Variants in SV2A observed in about 807,000 individuals in gnomAD.
The protein encoded by SV2A is synaptic vesicle glycoprotein 2A.
In SV2A, 25 loss-of-function variants were observed where a neutral mutation model predicts 78.0. The observed-to-expected ratio is 0.32, with a 90% CI of 0.23 to 0.45. The LOEUF is 0.45. Ranked by LOEUF, SV2A falls within the 20% of genes least tolerant of loss-of-function variation. SV2A has a pLI of 1.00. For missense variants in SV2A, 752 were observed against 971.5 expected (o/e 0.77, Z 3.00); for synonymous variants, 355 against 384.7 (o/e 0.92, Z 0.90).
rs2092471574 is a variant in SV2A at position 149,910,953 on chromosome 1, G to C, written c.828C>G (p.Val276=). 2 of 1,614,114 alleles carry C rather than the reference G, an allele frequency of 1.2e-6. No individual in the cohort carries two copies. Among genetic ancestry groups the C allele is most frequent in the Non-Finnish European group, 1.7e-6 (2 of 1,180,032 alleles). ...GVGIGGSIPI[V]FSYFSEFLAQ... The stretch of plus-strand genomic sequence containing the variant: ...CCAGAAACTCGGAGAAATAGGAGAA[G>C]ACAATGGGGATGGACCCTCCAATCC... Residue 276 remains valine (V), a synonymous_variant, in exon 4 of 13, where the codon GTC becomes GTG. Transcript: ENST00000369146. The surrounding 1 kb of genome is among the most constrained non-coding windows in gnomAD (Gnocchi z 4.2).
At chr1:149,909,340 C>A (rs2092460376) in intron 7 of SV2A, 60 bp from the exon 8 acceptor site, 1 of 1,590,504 alleles carries the variant, frequency 6.3e-7, no homozygotes, top group Non-Finnish European at 8.6e-7. Flanking sequence ...CCCATAGATC[C>A]CCACTTTTCT....
rs2092520499 is a variant in SV2A, at chr1:149,917,213, A to C, written c.-348+526T>G. Among the ~76,000 whole-genome samples, 4 of 147,478 alleles carry C rather than the reference A, an allele frequency of 2.7e-5. 1 individual carries two copies. The South Asian group carries it at 8.6e-4, about 32-fold the overall frequency. On this transcript the variant is annotated intron_variant, in intron 1 of 12. Coordinates refer to ENST00000369146, the MANE Select transcript of SV2A (RefSeq NM_014849.5). ...TGCCCCCAACACCTGGCGGCTCTAC[A>C]TCTCTGTCTCCCCAGTATTTCCATT...
Position 149,909,125 on chromosome 1 carries a change from C to T in SV2A, c.1379+67G>A, listed in dbSNP as rs1258850462. 4.1e-5 allele frequency: 61 copies of T among 1,503,202 alleles called. 1 individual carries two copies. In the South Asian group the frequency reaches 6.6e-4, roughly 16 times the overall value. 93.1% of individuals were successfully genotyped at this position (1,503,202 alleles called of 1,614,324 possible). On this transcript the variant is annotated intron_variant, in intron 8 of 12. Coordinates refer to ENST00000369146, the MANE Select transcript of SV2A (RefSeq NM_014849.5). ...CTTGTCCCCTGCATCTCCATTCTCC[C>T]CACCTCTCTCCCAGCCCACACACCA...
rs1371853453 is a variant in SV2A, at chr1:149,911,821, C to A, written c.782G>T (p.Cys261Phe). The A allele has an allele frequency of 1.9e-6, 3 of 1,613,968 alleles. No individual in the cohort carries two copies. Among genetic ancestry groups the A allele is most frequent in the Non-Finnish European group, 2.5e-6 (3 of 1,180,000 alleles). The change falls in exon 3 of 13, where the codon TGC becomes TTC. Residue 261 changes from cysteine to phenylalanine, a missense_variant. Physicochemically the swap from Cys to Phe is radical, Grantham distance 205. Around this residue, in one of 7 missense-constraint regions of SV2A, gnomAD observed 291 missense variants for 359.5 expected, o/e 0.81. Transcript: ENST00000369146. ...TCACCCAACCCCAGAAAGTAGGCGG[C>A]AGAAGAGGAAAGTGCCGTAACCCTG... is the stretch of plus-strand genomic sequence containing the variant. ...FVQGYGTFLFCRLLSGVGIGG... is the reference protein window; with the variant it reads ...FVQGYGTFLFFRLLSGVGIGG...
At position 149,909,518 on chromosome 1, in the gene SV2A, C is replaced by G. The variant is rs373763552; in HGVS notation, c.1233G>C (p.Ser411=). 6.2e-7 allele frequency: 1 copy of G among 1,613,938 alleles called. No homozygotes were observed. The highest frequency in any genetic ancestry group is 1.1e-5 in the South Asian group (1 of 91,074). ...HQEDELIEIQ[S]DTGTWYQRWG... ...AGCGCTGGTACCAGGTCCCTGTGTC[C>G]GACTGGATCTCAATCAATTCATCCT... Residue 411 remains serine (S), a synonymous_variant, in exon 7 of 13, where the codon TCG becomes TCC. Coordinates refer to ENST00000369146, the MANE Select transcript of SV2A (RefSeq NM_014849.5).
intron 2 of SV2A, among the ~76,000 whole-genome samples, chr1:149,912,835 G>C (rs2092484194): frequency 6.7e-6 from 1 of 149,772 alleles, no homozygotes; most frequent in South Asian, 2.1e-4. Flanking sequence ...ATACCAAGGA[G>C]TTTGGATACT....
intron 6 of SV2A, 81 bp downstream of exon 6, chr1:149,909,720 G>GT: frequency 6.7e-7 from 1 of 1,493,700 alleles, no homozygotes; most frequent in South Asian, 1.1e-5. Flanking sequence ...GTGGTCTGAG[G>GT]TGGGGGGTAC....
chr1:149,909,186 C>T lies in SV2A; in HGVS notation c.1379+6G>A. The T allele has an allele frequency of 6.2e-7, 1 of 1,613,834 alleles. No homozygotes were observed. The highest frequency in any genetic ancestry group is 1.1e-5 in the South Asian group (1 of 91,076). The stretch of plus-strand genomic sequence containing the variant: ...CACACATCACCCAGCCCACCCATCT[C>T]CTCACCTGAATGACATGGTGAACCA... On this transcript the variant is annotated splice_donor_region_variant and intron_variant, in intron 8 of 12. Transcript: ENST00000369146.
rs782169279 is a variant in SV2A at position 149,913,240 on chromosome 1, C to T, written c.601G>A (p.Asp201Asn). Residue 201 changes from aspartate to asparagine, a missense_variant, in exon 2 of 13, where the codon GAC (aspartate) becomes AAC (asparagine). Around this residue, in one of 7 missense-constraint regions of SV2A, gnomAD observed 291 missense variants for 359.5 expected, o/e 0.81. Coordinates refer to ENST00000369146, the MANE Select transcript of SV2A (RefSeq NM_014849.5). ...PSAEKDMCLS[D>N]SNKGMLGLIV... The stretch of plus-strand genomic sequence containing the variant: ...TTACCTAGCATGCCTTTGTTGGAGT[C>T]GGACAGGCACATGTCTTTCTCAGCG... The T allele has an allele frequency of 2.0e-5, 32 of 1,613,650 alleles. No individual in the cohort carries two copies. The highest frequency in any genetic ancestry group is 2.5e-5 in the Non-Finnish European group (30 of 1,179,914).
rs782758047 is a variant in SV2A at position 149,909,174 on chromosome 1, G to A, written c.1379+18C>T. On this transcript the variant is annotated intron_variant, in intron 8 of 12. Transcript: ENST00000369146. The stretch of plus-strand genomic sequence containing the variant: ...CACCACAACCACCACACATCACCCA[G>A]CCCACCCATCTCCTCACCTGAATGA... The A allele has an allele frequency of 1.9e-6, 3 of 1,611,056 alleles. No individual in the cohort carries two copies. The highest frequency in any genetic ancestry group is 2.5e-6 in the Non-Finnish European group (3 of 1,177,412).
At position 149,909,496 on chromosome 1, in the gene SV2A, G is replaced by T; in HGVS notation, c.1255C>A (p.Arg419Ser). ...AGGCTCAAGGCCCGGACCCCCCAGCGCTGGTACCAGGTCCCTGTGTCCGAC... is the reference window on the plus strand; with the variant it reads ...AGGCTCAAGGCCCGGACCCCCCAGCTCTGGTACCAGGTCCCTGTGTCCGAC... ...IQSDTGTWYQ[R>S]WGVRALSLGG... is the part of the protein sequence containing the mutation. Residue 419 changes from arginine to serine, a missense_variant, in exon 7 of 13, where the codon CGC becomes AGC. Transcript: ENST00000369146. 2.5e-6 allele frequency: 4 copies of T among 1,613,588 alleles called. No individual in the cohort carries two copies. Among genetic ancestry groups the T allele is most frequent in the Non-Finnish European group, 3.4e-6 (4 of 1,179,866 alleles).
chr1:149,917,008 C>T (rs587754213), intron 1 of SV2A, among the ~76,000 whole-genome samples: 3 of 151,960 alleles, frequency 2.0e-5, no homozygotes, highest in Non-Finnish European at 4.4e-5. Flanking sequence ...GCATTTGCAG[C>T]GACCCCCCCA....
chr1:149,911,473 G>C lies in SV2A; in HGVS notation c.803+327C>G, dbSNP rs61807544. Among the ~76,000 whole-genome samples the C allele has an allele frequency of 3.8e-3, 572 of 151,788 alleles. 1 individual carries two copies. Among genetic ancestry groups the C allele is most frequent in the Non-Finnish European group, 6.8e-3 (464 of 67,886 alleles). ...GCAGGAAATGTGTAGACTCTGGTAG[G>C]GGGTAACTCTGGGTCCACAGGAGCC... On this transcript the variant is annotated intron_variant, in intron 3 of 12. Coordinates refer to ENST00000369146, the MANE Select transcript of SV2A (RefSeq NM_014849.5).
chr1:149,913,092 T>C, intron 2 of SV2A, 127 bp downstream of exon 2: 1 of 1,244,580 alleles, frequency 8.0e-7, no homozygotes, highest in Non-Finnish European at 1.1e-6. Flanking sequence ...AGAGGAACCC[T>C]GAGCCCTCTG....
rs919576309 is a variant in SV2A at position 149,906,580 on chromosome 1, G to A, written c.1885+70C>T. ...CAATCTCTTCCACAGCCCAAGGTGA[G>A]AAGCCTGTTGACTGCCTCCCGCAGC... On this transcript the variant is annotated intron_variant, in intron 11 of 12. Transcript: ENST00000369146. 168 of 1,524,630 alleles carry A rather than the reference G, an allele frequency of 1.1e-4. 1 individual carries two copies. The highest frequency in any genetic ancestry group is 7.5e-4 in the Admixed American group (44 of 58,448). 94.4% of individuals were successfully genotyped at this position (1,524,630 alleles called of 1,614,324 possible).
chr1:149,913,223 C>G lies in SV2A; in HGVS notation c.618G>C (p.Met206Ile). The G allele has an allele frequency of 6.2e-7, 1 of 1,613,168 alleles. No individual in the cohort carries two copies. The highest frequency in any genetic ancestry group is 8.5e-7 in the Non-Finnish European group (1 of 1,179,576). The part of the protein sequence containing the change: ...DMCLSDSNKG[M>I]LGLIVYLGMM... ...CTGGAGCCCCCCATGTCTTACCTAG[C>G]ATGCCTTTGTTGGAGTCGGACAGGC... is the stretch of plus-strand genomic sequence containing the variant. Residue 206 changes from methionine (M) to isoleucine (I), a missense_variant, in exon 2 of 13, where the codon ATG becomes ATC. Around this residue, in one of 7 missense-constraint regions of SV2A, gnomAD observed 291 missense variants for 359.5 expected, o/e 0.81. Transcript: ENST00000369146.
In SV2A at chr1:149,910,752, G is replaced by T; in HGVS notation, c.956-49C>A. The T allele has an allele frequency of 6.2e-7, 1 of 1,612,386 alleles. No individual in the cohort carries two copies. Among genetic ancestry groups the T allele is most frequent in the Non-Finnish European group, 8.5e-7 (1 of 1,178,984 alleles). On this transcript the variant is annotated intron_variant, in intron 4 of 12. Coordinates refer to ENST00000369146, the MANE Select transcript of SV2A (RefSeq NM_014849.5). This position sits in a 1 kb window ranked among gnomAD's most constrained non-coding sequence, Gnocchi z 4.2. ...TCAGCAGAGAGGCCAGAGGCTGGGGGAACCCACCACAGGGAGCACAGAAGA... is the reference window on the plus strand; with the variant it reads ...TCAGCAGAGAGGCCAGAGGCTGGGGTAACCCACCACAGGGAGCACAGAAGA...
At position 149,905,077 on chromosome 1, in the gene SV2A, G is replaced by C; in HGVS notation, c.2166C>G (p.Ala722=). 1 of 1,613,388 alleles carries C rather than the reference G, an allele frequency of 6.2e-7. No homozygotes were observed. Among genetic ancestry groups the C allele is most frequent in the Non-Finnish European group, 8.5e-7 (1 of 1,179,768 alleles). ...KAAPILFASA[A]LALGSSLALK... ...GGGCCAGAGAGCTGCCAAGGGCAAG[G>C]GCAGCTGAGGCAAAGAGGATGGGTG... Residue 722 remains alanine, a synonymous_variant, in exon 13 of 13, where the codon GCC becomes GCG. Transcript: ENST00000369146.
Position 149,910,032 on chromosome 1 carries a change from C to G in SV2A, c.1090-142G>C. 1 of 738,936 alleles carries G rather than the reference C, an allele frequency of 1.4e-6. No individual in the cohort carries two copies. The highest frequency in any genetic ancestry group is 2.3e-6 in the Non-Finnish European group (1 of 430,530). 45.8% of individuals were successfully genotyped at this position (738,936 alleles called of 1,614,324 possible). A position where few individuals can be genotyped will look rare whatever the true frequency, so the allele number is the denominator to read the frequency against. On this transcript the variant is annotated intron_variant, in intron 5 of 12. Coordinates refer to ENST00000369146, the MANE Select transcript of SV2A (RefSeq NM_014849.5). The surrounding 1 kb of genome is among the most constrained non-coding windows in gnomAD (Gnocchi z 4.2). Reference sequence around the variant, plus strand: ...CTCAACCCCACCACCAAGCCCTGACCTATGGGCATGCACTCACCACTCTGA... The same window carrying G: ...CTCAACCCCACCACCAAGCCCTGACGTATGGGCATGCACTCACCACTCTGA...
Sources: gnomAD v4.1 joint callset for allele counts (sites outside exome capture counted in the v4.1 genomes callset) on GRCh38, gnomAD v4.1.1 for gene constraint, gnomAD v4.1.1 regional missense constraint, Gnocchi (gnomAD v3.1) non-coding constraint, MANE v1.5 for transcripts, NCBI Gene and HGNC (gene_info 2026-07-23, HGNC 2026-07-21) for gene names.